The following TXNDC16 variants were observed in gnomAD, a reference collection of about 807,000 sequenced individuals.
TXNDC16 encodes thioredoxin domain-containing protein 16.
A neutral mutation model predicts 85.6 loss-of-function variants in TXNDC16; 74 were observed. That is an observed-to-expected ratio of 0.86 (90% CI 0.72 to 1.05). TXNDC16 has a LOEUF of 1.05. Among genes scored for constraint, TXNDC16 ranks in the 50% least tolerant of loss-of-function variants. The probability of loss-of-function intolerance (pLI) is 0.00; values close to 1 mark genes in which losing one functional copy is unlikely to be tolerated. For missense variants in TXNDC16, 959 were observed against 947.0 expected (o/e 1.01, Z -0.17); for synonymous variants, 335 against 326.5 (o/e 1.03, Z -0.28).
At chr14:52,505,944 C>G (rs1306696229) in intron 9 of TXNDC16, among the ~76,000 whole-genome samples, 2 of 152,174 alleles carry the variant, frequency 1.3e-5, no homozygotes, top group African/African-American at 4.8e-5. Flanking sequence ...ACTATAAACA[C>G]CTCTACACAA....
intron 9 of TXNDC16, among the ~76,000 whole-genome samples, chr14:52,506,073 A>G (rs2140175011): frequency 6.6e-6 from 1 of 152,218 alleles, no homozygotes; most frequent in East Asian, 1.9e-4. Context: ...AAATTGAGGC[A>G]ATAATTAATA....
At chr14:52,454,087 C>T (rs1222035334) in intron 18 of TXNDC16, among the ~76,000 whole-genome samples, 3 of 151,760 alleles carry the variant, frequency 2.0e-5, no homozygotes, top group Non-Finnish European at 4.4e-5. Context: ...TAATGGATAC[C>T]CTATTTACTC....
chr14:52,551,670 A>G (rs1284361909), intron 1 of TXNDC16, among the ~76,000 whole-genome samples: 1 of 152,086 alleles, frequency 6.6e-6, no homozygotes, highest in East Asian at 1.9e-4. Flanking sequence ...GAAAAAAAAA[A>G]GTCAACAACT....
chr14:52,468,318 T>C (rs1178568415), intron 16 of TXNDC16, among the ~76,000 whole-genome samples: 3 of 152,130 alleles, frequency 2.0e-5, no homozygotes, highest in East Asian at 1.9e-4. Context: ...TAGGAAAATA[T>C]TGTAAATTAA....
intron 9 of TXNDC16, among the ~76,000 whole-genome samples, chr14:52,492,292 T>C (rs868699536): frequency 6.6e-6 from 1 of 152,184 alleles, no homozygotes; most frequent in African/African-American, 2.4e-5. Context: ...TGTATCCTTT[T>C]TGGGGGACTG....
At position 52,488,493 on chromosome 14, in the gene TXNDC16, A is replaced by G. The variant is rs1305282182; in HGVS notation, c.985-7T>C. The G allele has an allele frequency of 6.3e-7, 1 of 1,582,330 alleles. No individual in the cohort carries two copies. Among genetic ancestry groups the G allele is most frequent in the South Asian group, 1.1e-5 (1 of 88,672 alleles). On this transcript the variant is annotated splice_region_variant and splice_polypyrimidine_tract_variant and intron_variant, in intron 11 of 20. Transcript: ENST00000281741. Reference sequence around the variant, plus strand: ...AAAATTCCACTGGAACTCCCTAGAAATACATTAATTTTTAAAAAATGAATA... The same window carrying G: ...AAAATTCCACTGGAACTCCCTAGAAGTACATTAATTTTTAAAAAATGAATA...
Position 52,470,706 on chromosome 14 carries a change from G to T in TXNDC16, c.1313-26C>A, listed in dbSNP as rs185253942. On this transcript the variant is annotated intron_variant, in intron 14 of 20. Transcript: ENST00000281741. ...CTAAATAAAAGGAAAATGCACATTT[G>T]TAATTACTAATTGTAGAAAATGCAT... The T allele has an allele frequency of 5.8e-3, 9,168 of 1,569,580 alleles. 52 individuals carry two copies. Among genetic ancestry groups the T allele is most frequent in the Non-Finnish European group, 7.3e-3 (8,409 of 1,158,458 alleles).
At chr14:52,526,754 G>A (rs139159307) in intron 6 of TXNDC16, among the ~76,000 whole-genome samples, 1 of 152,290 alleles carries the variant, frequency 6.6e-6, no homozygotes, top group East Asian at 1.9e-4. Flanking sequence ...GATGAGGCCT[G>A]GTCACTAAAA....
At chr14:52,455,203 C>G (rs2035503720) in intron 18 of TXNDC16, 121 bp downstream of exon 18, 1 of 1,088,986 alleles carries the variant, frequency 9.2e-7, no homozygotes, top group Non-Finnish European at 1.3e-6. Context: ...AGTAAATCCT[C>G]AGCTCACAAA....
Position 52,529,494 on chromosome 14 carries a change from C to CTATATATTATTATATATAATGCCTATTA in TXNDC16, c.392+7224_392+7225insTAATAGGCATTATATATAATAATATATA, listed in dbSNP as rs1555342299. Among the ~76,000 whole-genome samples, 182 of 95,424 alleles carry CTATATATTATTATATATAATGCCTATTA rather than the reference C, an allele frequency of 1.9e-3. 43 individuals carry two copies. The highest frequency in any genetic ancestry group is 5.2e-3 in the African/African-American group (98 of 18,782). 62.6% of individuals were successfully genotyped at this position (95,424 alleles called of 152,430 possible). On this transcript the variant is annotated intron_variant, in intron 6 of 20. Coordinates refer to ENST00000281741, the MANE Select transcript of TXNDC16 (RefSeq NM_020784.3). ...TAATAATAAAAAGAAAAAATACCTA[C>CTATATATTATTATATATAATGCCTATTA]TATATATTATATATAATGCCTATTA... is the stretch of plus-strand genomic sequence containing the variant.
intron 9 of TXNDC16, among the ~76,000 whole-genome samples, chr14:52,509,987 T>TAAAAAAAAA (rs35562977): frequency 1.9e-5 from 2 of 106,892 alleles, no homozygotes. Flanking sequence ...TCTCAAGAAA[T>TAAAAAAAAA]AAAAAAAAAA....
chr14:52,476,094 C>T (rs1016526315), intron 14 of TXNDC16, among the ~76,000 whole-genome samples: 14 of 152,112 alleles, frequency 9.2e-5, no homozygotes, highest in African/African-American at 2.9e-4. Context: ...CACTACAGCT[C>T]GGCTCTCAGG....
At chr14:52,509,968 G>A (rs564303363) in intron 9 of TXNDC16, among the ~76,000 whole-genome samples, 39 of 148,434 alleles carry the variant, frequency 2.6e-4, no homozygotes, top group Non-Finnish European at 4.7e-4. Flanking sequence ...GAAACAGAGC[G>A]AGACTCCGTC....
At chr14:52,457,349 G>A (rs938836562) in intron 16 of TXNDC16, among the ~76,000 whole-genome samples, 175 bp from the exon 17 acceptor site, 2 of 152,060 alleles carry the variant, frequency 1.3e-5, no homozygotes, top group African/African-American at 4.8e-5. Context: ...TTCTCTTTAT[G>A]ACATGGGATT....
intron 16 of TXNDC16, among the ~76,000 whole-genome samples, chr14:52,469,418 T>C (rs950838898): frequency 3.9e-5 from 6 of 151,928 alleles, no homozygotes; most frequent in African/African-American, 1.2e-4. Flanking sequence ...GTAGCCATAA[T>C]GTTCATGAAG....
intron 18 of TXNDC16, among the ~76,000 whole-genome samples, chr14:52,453,051 C>A (rs1450424593): frequency 1.3e-5 from 2 of 152,120 alleles, no homozygotes; most frequent in Non-Finnish European, 2.9e-5. Flanking sequence ...CAAAAAAATA[C>A]ATACAAACAG....
At chr14:52,463,382 T>C (rs1360731296) in intron 16 of TXNDC16, among the ~76,000 whole-genome samples, 10 of 151,942 alleles carry the variant, frequency 6.6e-5, no homozygotes, top group South Asian at 2.1e-4. Context: ...AGTTCTACTA[T>C]AGGTCCTATT....
intron 16 of TXNDC16, among the ~76,000 whole-genome samples, chr14:52,462,573 G>A (rs377435894): frequency 1.9e-4 from 29 of 152,222 alleles, no homozygotes; most frequent in Non-Finnish European, 2.5e-4. Flanking sequence ...TGCCTGCCTC[G>A]GCCTCCCAAA....
intron 18 of TXNDC16, among the ~76,000 whole-genome samples, chr14:52,449,566 C>T (rs1023205816): frequency 9.2e-5 from 14 of 152,070 alleles, no homozygotes; most frequent in African/African-American, 2.9e-4. Flanking sequence ...CGCAAAGAAA[C>T]CTCAGATTTA....
Sources: gnomAD v4.1 joint callset for allele counts (sites outside exome capture counted in the v4.1 genomes callset) on GRCh38, gnomAD v4.1.1 for gene constraint, MANE v1.5 for transcripts, NCBI Gene and HGNC (gene_info 2026-07-23, HGNC 2026-07-21) for gene names.